RPA2: variants seen among roughly 807,000 people sequenced by gnomAD.
RPA2 encodes the protein replication protein A 32 kDa subunit.
Under a neutral mutation model 33.4 loss-of-function variants are expected in RPA2, and 22 were observed. The observed-to-expected ratio is 0.66, with a 90% confidence interval of 0.47 to 0.94. The LOEUF (loss-of-function observed/expected upper bound fraction) is 0.94. Ranked by LOEUF, RPA2 falls within the 40% of genes least tolerant of loss-of-function variation. RPA2 has a pLI of 0.00. For synonymous variants in RPA2, 109 were observed against 114.9 expected, an observed-to-expected ratio of 0.95 and a Z score of 0.33; for missense variants, 279 against 329.9, an observed-to-expected ratio of 0.85 and a Z score of 1.19.
chr1:27,910,441 GAATTGATC>G (rs1454105105), intron 2 of RPA2, among the ~76,000 whole-genome samples: 1 of 152,040 alleles, frequency 6.6e-6, no homozygotes, highest in Admixed American at 6.6e-5. Flanking sequence ...TTTTATGTAG[GAATTGATC>G]ACAAGGAATT....
intron 4 of RPA2, among the ~76,000 whole-genome samples, chr1:27,906,120 A>G (rs1171214368): frequency 6.6e-6 from 1 of 152,076 alleles, no homozygotes; most frequent in African/African-American, 2.4e-5. Context: ...CTGTAATCCA[A>G]TCACTTTGAG....
chr1:27,905,083 T>C (rs952622956), intron 4 of RPA2, among the ~76,000 whole-genome samples: 3 of 152,240 alleles, frequency 2.0e-5, no homozygotes, highest in African/African-American at 2.4e-5. Context: ...CAGTCTATTT[T>C]ATCCATGTTT....
intron 2 of RPA2, among the ~76,000 whole-genome samples, chr1:27,912,072 C>G (rs961736643): frequency 2.7e-5 from 4 of 149,540 alleles, no homozygotes; most frequent in East Asian, 3.9e-4. Context: ...CCAGCCTGGG[C>G]GACAGAGTGA....
At chr1:27,900,951 G>A (rs2089959903) in intron 4 of RPA2, among the ~76,000 whole-genome samples, 3 of 152,182 alleles carry the variant, frequency 2.0e-5, no homozygotes, top group South Asian at 4.1e-4. Flanking sequence ...TCTCATGGAT[G>A]AGCAAATAAA....
At chr1:27,912,010 C>T (rs1321894765) in intron 2 of RPA2, among the ~76,000 whole-genome samples, 3 of 151,848 alleles carry the variant, frequency 2.0e-5, no homozygotes, top group East Asian at 3.9e-4. Context: ...AGGAGAATGG[C>T]GTGAAGCCGG....
chr1:27,907,132 T>C (rs1330711836), intron 3 of RPA2, 49 bp downstream of exon 3: 1 of 1,587,906 alleles, frequency 6.3e-7, no homozygotes, highest in Non-Finnish European at 8.6e-7. Flanking sequence ...AAGTCTTATT[T>C]CATTCTTTAT....
intron 4 of RPA2, among the ~76,000 whole-genome samples, chr1:27,902,730 A>T (rs533385712): frequency 1.3e-5 from 2 of 151,782 alleles, no homozygotes; most frequent in Non-Finnish European, 2.9e-5. Context: ...GATTGCTTAA[A>T]CCCAGGAGTT....
Position 27,914,468 on chromosome 1 carries a change from G to A in RPA2, c.-25C>T, listed in dbSNP as rs1289494534. 6.3e-7 allele frequency: 1 copy of A among 1,592,274 alleles called. No individual in the cohort carries two copies. Among genetic ancestry groups the A allele is most frequent in the Admixed American group, 1.7e-5 (1 of 57,692 alleles). ...TCTTGGTCACGATTCTCCGCAAAGAGGCCGAGAAGGTGCGGGTCTGGGGGA... is the reference window on the plus strand; with the variant it reads ...TCTTGGTCACGATTCTCCGCAAAGAAGCCGAGAAGGTGCGGGTCTGGGGGA... On this transcript the variant is annotated 5_prime_UTR_variant, in exon 1 of 9. Coordinates refer to ENST00000373912, the MANE Select transcript of RPA2 (RefSeq NM_002946.5).
intron 6 of RPA2, among the ~76,000 whole-genome samples, chr1:27,895,439 G>A (rs7413323): frequency 0.44 from 65,790 of 150,990 alleles, 14,841 homozygotes; most frequent in African/African-American, 0.57. Flanking sequence ...AGGGCCAAGC[G>A]TGGTGGCTCA....
At chr1:27,903,194 G>C (rs1413160307) in intron 4 of RPA2, among the ~76,000 whole-genome samples, 1 of 152,108 alleles carries the variant, frequency 6.6e-6, no homozygotes, top group Non-Finnish European at 1.5e-5. Flanking sequence ...CTCCCAAAGT[G>C]CTGGAATTAC....
Position 27,914,015 on chromosome 1 carries a change from G to A in RPA2, c.117+48C>T, listed in dbSNP as rs2090135024. 4.0e-6 allele frequency: 6 copies of A among 1,489,480 alleles called. No individual in the cohort carries two copies. The South Asian group carries it at 8.2e-5, about 20-fold the overall frequency. 92.3% of individuals were successfully genotyped at this position (1,489,480 alleles called of 1,614,324 possible). ...AAAGTTTCTGTCATAGATGACTCAG[G>A]GACTTCAGGACAGGATAAAACAAAA... is the stretch of plus-strand genomic sequence containing the variant. On this transcript the variant is annotated intron_variant, in intron 2 of 8. Transcript: ENST00000373912.
chr1:27,910,084 G>C (rs1393902418), intron 2 of RPA2, among the ~76,000 whole-genome samples: 1 of 152,102 alleles, frequency 6.6e-6, no homozygotes, highest in African/African-American at 2.4e-5. Context: ...TCACAGCTGA[G>C]ATTTTCATTG....
chr1:27,907,543 A>T (rs7535816), intron 2 of RPA2, among the ~76,000 whole-genome samples: 1 of 151,950 alleles, frequency 6.6e-6, no homozygotes, highest in African/African-American at 2.4e-5. Context: ...ACCAAAATGA[A>T]TAGGTCAGAG....
intron 4 of RPA2, among the ~76,000 whole-genome samples, chr1:27,898,567 G>A (rs978953133): frequency 1.9e-4 from 26 of 139,908 alleles, no homozygotes; most frequent in African/African-American, 6.2e-4. Context: ...TTTTTGAGAC[G>A]AAGTGTCTTG....
chr1:27,903,045 T>C (rs1350334101), intron 4 of RPA2, among the ~76,000 whole-genome samples: 1 of 152,172 alleles, frequency 6.6e-6, no homozygotes, highest in Middle Eastern at 3.2e-3. Context: ...TTCTCCTGAC[T>C]CAGCCTCCCG....
chr1:27,914,537 G>A lies in RPA2; in HGVS notation c.-94C>T. 3.7e-6 allele frequency: 6 copies of A among 1,609,640 alleles called. 1 individual carries two copies. The Middle Eastern group carries it at 5.1e-4, about 136-fold the overall frequency. On this transcript the variant is annotated 5_prime_UTR_variant, in exon 1 of 9. Coordinates refer to ENST00000373912, the MANE Select transcript of RPA2 (RefSeq NM_002946.5). Reference sequence around the variant, plus strand: ...ACGCGGCCGCCACTGCGCCGCTCTGGCTACTTTTCTCTGGCACCACAAACG... The same window carrying A: ...ACGCGGCCGCCACTGCGCCGCTCTGACTACTTTTCTCTGGCACCACAAACG...
chr1:27,914,364 C>T (rs763093230), intron 1 of RPA2, 70 bp downstream of exon 1: 1 of 1,614,074 alleles, frequency 6.2e-7, no homozygotes, highest in Non-Finnish European at 8.5e-7. Context: ...CCTCTCGGAC[C>T]CTAGGCTCGC....
intron 2 of RPA2, among the ~76,000 whole-genome samples, chr1:27,908,631 G>T (rs2090061155): frequency 6.6e-6 from 1 of 151,556 alleles, no homozygotes; most frequent in African/African-American, 2.4e-5. Context: ...CGAGTAGCTG[G>T]GATTATAGGT....
intron 4 of RPA2, among the ~76,000 whole-genome samples, chr1:27,900,064 C>T (rs2089949366): frequency 6.6e-6 from 1 of 152,228 alleles, no homozygotes; most frequent in Non-Finnish European, 1.5e-5. Context: ...CCGCCTCCGC[C>T]TCCCAAAGTG....
Sources: gnomAD v4.1 joint callset for allele counts (sites outside exome capture counted in the v4.1 genomes callset) on GRCh38, gnomAD v4.1.1 for gene constraint, MANE v1.5 for transcripts, NCBI Gene and HGNC (gene_info 2026-07-23, HGNC 2026-07-21) for gene names.